SLCO1B1: variants seen among roughly 807,000 people sequenced by gnomAD.
SLCO1B1 encodes the protein OATP-2.
Under a neutral mutation model 70.1 loss-of-function variants are expected in SLCO1B1, and 81 were observed. That is an observed-to-expected ratio of 1.16 (90% CI 0.97 to 1.39). The LOEUF is 1.39. SLCO1B1 is among the 40% of genes most tolerant of loss of function. SLCO1B1 has a pLI of 0.00. For missense variants in SLCO1B1, 895 were observed against 799.6 expected, an observed-to-expected ratio of 1.12 and a Z score of -1.44; for synonymous variants, 283 against 271.5, an observed-to-expected ratio of 1.04 and a Z score of -0.42.
Position 21,210,629 on chromosome 12 carries a change from G to A in SLCO1B1, c.1497+4596G>A, listed in dbSNP as rs1333047756. ...TTGGTAGCTTGATGGGGATGACATT[G>A]AATCTGTAAATTACCTTGGGCAGTA... On this transcript the variant is annotated intron_variant, in intron 11 of 14. Transcript: ENST00000256958. Among the ~76,000 whole-genome samples, 3 of 150,520 alleles carry A rather than the reference G, an allele frequency of 2.0e-5. No homozygotes were observed. In the East Asian group the frequency reaches 5.8e-4, roughly 29 times the overall value.
intron 8 of SLCO1B1, among the ~76,000 whole-genome samples, chr12:21,197,424 G>A (rs1941106875): frequency 6.6e-6 from 1 of 152,132 alleles, no homozygotes; most frequent in Admixed American, 6.6e-5. Context: ...ACCAACAAAA[G>A]TTTACAAACA....
intron 2 of SLCO1B1, among the ~76,000 whole-genome samples, chr12:21,159,133 A>G (rs762690636): frequency 6.6e-6 from 1 of 152,170 alleles, no homozygotes; most frequent in African/African-American, 2.4e-5. Context: ...ACATGCATAA[A>G]TTAATTCTAT....
intron 7 of SLCO1B1, among the ~76,000 whole-genome samples, chr12:21,181,272 TTTC>T (rs1281220433): frequency 6.6e-6 from 1 of 152,198 alleles, no homozygotes; most frequent in East Asian, 1.9e-4. Flanking sequence ...AGAAAAACTT[TTTC>T]TCACGTCCTA....
chr12:21,144,638 GA>G (rs1050836927), intron 2 of SLCO1B1, among the ~76,000 whole-genome samples: 1 of 151,914 alleles, frequency 6.6e-6, no homozygotes, highest in African/African-American at 2.4e-5. Context: ...AAACAAGAAA[GA>G]AAAAAACCTT....
intron 2 of SLCO1B1, among the ~76,000 whole-genome samples, chr12:21,162,668 T>C (rs1940635735): frequency 6.6e-6 from 1 of 152,230 alleles, no homozygotes; most frequent in South Asian, 2.1e-4. Flanking sequence ...TTATGTATAA[T>C]ACTTTTGTTC....
chr12:21,147,710 CT>C (rs1355312711), intron 2 of SLCO1B1, among the ~76,000 whole-genome samples: 1 of 152,174 alleles, frequency 6.6e-6, no homozygotes, highest in Non-Finnish European at 1.5e-5. Flanking sequence ...GGTTCCAAGT[CT>C]TTGCTATTGT....
chr12:21,210,368 G>C (rs1261012464), intron 11 of SLCO1B1, among the ~76,000 whole-genome samples: 2 of 124,344 alleles, frequency 1.6e-5, no homozygotes, highest in Non-Finnish European at 3.4e-5. Context: ...TCAGATAGTT[G>C]TAGATATGCG....
At chr12:21,135,357 G>T (rs1403934991) in intron 1 of SLCO1B1, among the ~76,000 whole-genome samples, 1 of 152,118 alleles carries the variant, frequency 6.6e-6, no homozygotes, top group African/African-American at 2.4e-5. Flanking sequence ...GGTCCGCTTG[G>T]TGCAGAGCTG....
intron 14 of SLCO1B1, among the ~76,000 whole-genome samples, chr12:21,229,917 G>T (rs1941516794): frequency 6.6e-6 from 1 of 152,102 alleles, no homozygotes; most frequent in African/African-American, 2.4e-5. Flanking sequence ...ACAGTGGTGA[G>T]AGGGGACGTT....
At chr12:21,210,192 G>C (rs370215837) in intron 11 of SLCO1B1, among the ~76,000 whole-genome samples, 27 of 141,054 alleles carry the variant, frequency 1.9e-4, no homozygotes, top group Non-Finnish European at 3.4e-4. Flanking sequence ...TATGGTTTTA[G>C]GTCTAACGTT....
At chr12:21,159,757 TAAAC>T (rs1457095276) in intron 2 of SLCO1B1, among the ~76,000 whole-genome samples, 5 of 152,044 alleles carry the variant, frequency 3.3e-5, no homozygotes, top group African/African-American at 4.8e-5. Context: ...CTTCAGCTGA[TAAAC>T]AACTTCAGCA....
At position 21,199,789 on chromosome 12, in the gene SLCO1B1, T is replaced by TTTTG. The variant is rs3060579; in HGVS notation, c.971-694_971-691dup. 2.5e-3 allele frequency among the ~76,000 whole-genome samples: 379 copies of TTTTG among 151,968 alleles called. 3 individuals are homozygous for TTTTG. The highest frequency in any genetic ancestry group is 0.017 in the East Asian group (90 of 5,170). On this transcript the variant is annotated intron_variant, in intron 8 of 14. Coordinates refer to ENST00000256958, the MANE Select transcript of SLCO1B1 (RefSeq NM_006446.5). ...TTTTTGTTTGTTTGTTTTTGGGTTT[T>TTTTG]TTTGTTTGTTTGTTTGTTTGTTTGT... is the stretch of plus-strand genomic sequence containing the variant.
At chr12:21,165,431 T>C (rs1235564088) in intron 2 of SLCO1B1, among the ~76,000 whole-genome samples, 1 of 152,136 alleles carries the variant, frequency 6.6e-6, no homozygotes, top group Admixed American at 6.6e-5. Flanking sequence ...GCAAGACATA[T>C]GCTCATAAAA....
chr12:21,230,732 T>A (rs906444592), intron 14 of SLCO1B1, among the ~76,000 whole-genome samples: 7 of 152,160 alleles, frequency 4.6e-5, no homozygotes, highest in African/African-American at 1.7e-4. Flanking sequence ...GCTGCTATCA[T>A]CTGAAGAAGA....
chr12:21,160,943 A>G (rs1940610379), intron 2 of SLCO1B1, among the ~76,000 whole-genome samples: 1 of 152,218 alleles, frequency 6.6e-6, no homozygotes, highest in Admixed American at 6.5e-5. Context: ...AGAAATTCAA[A>G]TCAAAACCAC....
intron 14 of SLCO1B1, among the ~76,000 whole-genome samples, chr12:21,233,261 CCAGA>C (rs934256834): frequency 6.6e-6 from 1 of 152,044 alleles, no homozygotes; most frequent in Admixed American, 6.6e-5. Context: ...CTGAATGTGA[CCAGA>C]CAAATAATGA....
intron 1 of SLCO1B1, 103 bp from the exon 2 acceptor site, chr12:21,141,411 G>T: frequency 2.0e-6 from 1 of 504,504 alleles, no homozygotes; most frequent in South Asian, 2.1e-5. Flanking sequence ...CTGAGTGAAT[G>T]TTAGTGAATG....
intron 7 of SLCO1B1, among the ~76,000 whole-genome samples, chr12:21,193,802 T>TC (rs1941058613): frequency 1.3e-5 from 2 of 151,742 alleles, no homozygotes; most frequent in Non-Finnish European, 2.9e-5. Flanking sequence ...TCTTTTTTTT[T>TC]ATTTTGGAGA....
In SLCO1B1 at chr12:21,154,884, T is replaced by A. The variant is rs531829686; in HGVS notation, c.84+13226T>A. Among the ~76,000 whole-genome samples, 4 of 152,180 alleles carry A rather than the reference T, an allele frequency of 2.6e-5. No individual in the cohort carries two copies. In the South Asian group the frequency reaches 8.3e-4, roughly 32 times the overall value. On this transcript the variant is annotated intron_variant, in intron 2 of 14. Transcript: ENST00000256958. ...GTTTATCTCAATGTAAAATTATGGG[T>A]TCAATGCTCTTTTACTTCAGTACTT...
Sources: allele counts gnomAD v4.1 joint callset (sites outside exome capture counted in the v4.1 genomes callset), GRCh38; gene constraint gnomAD v4.1.1; transcripts MANE v1.5; gene names NCBI Gene and HGNC (gene_info 2026-07-23, HGNC 2026-07-21).